MYO3B: variants seen among roughly 807,000 people sequenced by gnomAD.
MYO3B encodes the protein myosin IIIB.
A neutral mutation model predicts 174.6 loss-of-function variants in MYO3B; 156 were observed. That is an observed-to-expected ratio of 0.89 (90% confidence interval 0.78 to 1.02). The LOEUF is 1.02. Among genes scored for constraint, MYO3B ranks in the 50% least tolerant of loss-of-function variants. MYO3B has a pLI of 0.00. For missense variants in MYO3B, 1,632 were observed against 1,639.4 expected (o/e 1.00, Z 0.08); for synonymous variants, 563 against 569.1 (o/e 0.99, Z 0.15).
intron 7 of MYO3B, among the ~76,000 whole-genome samples, chr2:170,328,711 C>A (rs12692948): frequency 0.67 from 101,706 of 151,700 alleles, 34,297 homozygotes; most frequent in Admixed American, 0.72. Context: ...GGCTAAATAA[C>A]CTATAGTTAC....
At chr2:170,632,833 C>G (rs1304883739) in intron 32 of MYO3B, among the ~76,000 whole-genome samples, 2 of 123,342 alleles carry the variant, frequency 1.6e-5, no homozygotes, top group East Asian at 7.1e-4. Flanking sequence ...ATACAAACTA[C>G]CATCAGAGAA....
In MYO3B at chr2:170,228,829, T is replaced by C. The variant is rs538330647; in HGVS notation, c.604-7162T>C. On this transcript the variant is annotated intron_variant, in intron 6 of 34. Coordinates refer to ENST00000408978, the MANE Select transcript of MYO3B (RefSeq NM_138995.5). ...CCTGAAGTTCATAAGAACAGTCTAA[T>C]TTAAATTATTTCTGACAATTTCATA... 1.4e-4 allele frequency among the ~76,000 whole-genome samples: 22 copies of C among 152,334 alleles called. No homozygotes were observed. The East Asian group carries it at 4.2e-3, about 29-fold the overall frequency.
chr2:170,373,173 C>T (rs2094261230), intron 9 of MYO3B, among the ~76,000 whole-genome samples: 1 of 152,130 alleles, frequency 6.6e-6, no homozygotes, highest in African/African-American at 2.4e-5. Flanking sequence ...ATTGTCAGGA[C>T]TTAGTGATGG....
intron 22 of MYO3B, among the ~76,000 whole-genome samples, chr2:170,419,074 G>A (rs371009449): frequency 2.6e-5 from 4 of 152,162 alleles, no homozygotes; most frequent in Non-Finnish European, 5.9e-5. Context: ...GCAAAAAGAT[G>A]CACACATTAG....
chr2:170,508,078 C>T (rs184995144), intron 28 of MYO3B, among the ~76,000 whole-genome samples: 22 of 152,230 alleles, frequency 1.4e-4, no homozygotes, highest in African/African-American at 3.1e-4. Context: ...AATATCATAC[C>T]GGCATGGCAC....
chr2:170,338,556 C>A lies in MYO3B; in HGVS notation c.815+3106C>A, dbSNP rs572240936. ...GGGAACTGATTATTATATTATATATCTTTAAATAGAAGCCTGCCCACCATT... is the reference window on the plus strand; with the variant it reads ...GGGAACTGATTATTATATTATATATATTTAAATAGAAGCCTGCCCACCATT... On this transcript the variant is annotated intron_variant, in intron 8 of 34. Transcript: ENST00000408978. 9.9e-5 allele frequency among the ~76,000 whole-genome samples: 15 copies of A among 152,166 alleles called. No homozygotes were observed. In the South Asian group the frequency reaches 3.1e-3, roughly 32 times the overall value.
chr2:170,383,532 C>T (rs2094351249), intron 11 of MYO3B, among the ~76,000 whole-genome samples, 178 bp from the exon 12 acceptor site: 1 of 152,070 alleles, frequency 6.6e-6, no homozygotes, highest in Non-Finnish European at 1.5e-5. Context: ...GCTCATGAAG[C>T]CAGTAAGTAT....
At chr2:170,442,659 C>A (rs184808920) in intron 22 of MYO3B, among the ~76,000 whole-genome samples, 143 of 152,246 alleles carry the variant, frequency 9.4e-4, no homozygotes, top group Non-Finnish European at 1.7e-3. Flanking sequence ...CCACTCCCCC[C>A]ACTCCCCGAC....
intron 9 of MYO3B, among the ~76,000 whole-genome samples, chr2:170,379,605 C>G (rs1296317414): frequency 6.6e-6 from 1 of 152,178 alleles, no homozygotes; most frequent in Non-Finnish European, 1.5e-5. Flanking sequence ...AAATGGCTAG[C>G]TAGAGGCAGG....
chr2:170,621,987 C>T (rs931765348), intron 32 of MYO3B, among the ~76,000 whole-genome samples: 3 of 152,184 alleles, frequency 2.0e-5, no homozygotes, highest in Non-Finnish European at 4.4e-5. Flanking sequence ...ACAACTGACC[C>T]TCAGGAAGTA....
intron 7 of MYO3B, among the ~76,000 whole-genome samples, chr2:170,285,621 T>C (rs901169286): frequency 1.3e-5 from 2 of 152,198 alleles, no homozygotes; most frequent in Non-Finnish European, 2.9e-5. Flanking sequence ...TCCCTTGTCC[T>C]CTCAAAGTGC....
chr2:170,385,159 T>A (rs146908538), intron 12 of MYO3B, among the ~76,000 whole-genome samples: 2 of 152,312 alleles, frequency 1.3e-5, no homozygotes, highest in African/African-American at 4.8e-5. Flanking sequence ...ATGCCTTTTC[T>A]GGACACATCC....
At chr2:170,482,047 G>C (rs565901881) in intron 25 of MYO3B, among the ~76,000 whole-genome samples, 1 of 152,176 alleles carries the variant, frequency 6.6e-6, no homozygotes, top group African/African-American at 2.4e-5. Context: ...TGCAATGGGA[G>C]GTAATTGAAT....
At chr2:170,545,415 T>A (rs1223200702) in intron 32 of MYO3B, among the ~76,000 whole-genome samples, 1 of 152,240 alleles carries the variant, frequency 6.6e-6, no homozygotes, top group Non-Finnish European at 1.5e-5. Context: ...AGTAAGTGTT[T>A]AGTAAATGTC....
Position 170,635,766 on chromosome 2 carries a change from C to T in MYO3B, c.3734-15862C>T, listed in dbSNP as rs544131582. Among the ~76,000 whole-genome samples the T allele has an allele frequency of 1.2e-3, 187 of 151,994 alleles. 1 individual carries two copies. Among genetic ancestry groups the T allele is most frequent in the Non-Finnish European group, 2.3e-3 (157 of 67,990 alleles). ...TATTTTAAACATGTTTTCTTTCTTA[C>T]ATATTTATAGATAAGGGGAAGGAGG... is the stretch of plus-strand genomic sequence containing the variant. On this transcript the variant is annotated intron_variant, in intron 32 of 34. Transcript: ENST00000408978.
intron 8 of MYO3B, among the ~76,000 whole-genome samples, chr2:170,351,527 G>A (rs745413689): frequency 6.6e-6 from 1 of 152,026 alleles, no homozygotes; most frequent in South Asian, 2.1e-4. Context: ...AAGACCATGG[G>A]ACAGCAGCAC....
chr2:170,393,490 T>C (rs1377536281), intron 16 of MYO3B, among the ~76,000 whole-genome samples: 1 of 152,188 alleles, frequency 6.6e-6, no homozygotes, highest in Non-Finnish European at 1.5e-5. Context: ...TACTCTGTGA[T>C]ACATTATGTC....
chr2:170,323,369 C>T (rs1236196244), intron 7 of MYO3B, among the ~76,000 whole-genome samples: 1 of 152,136 alleles, frequency 6.6e-6, no homozygotes, highest in Non-Finnish European at 1.5e-5. Flanking sequence ...AATGCTAATG[C>T]TTAAGTTGAT....
Position 170,609,814 on chromosome 2 carries a change from A to C in MYO3B, c.3734-41814A>C, listed in dbSNP as rs149043729. ...AGTGTCCATATCTCAGATCTCCTAGAGGAACTTCAGCCCTGCCTGGGTCCT... is the reference window on the plus strand; with the variant it reads ...AGTGTCCATATCTCAGATCTCCTAGCGGAACTTCAGCCCTGCCTGGGTCCT... On this transcript the variant is annotated intron_variant, in intron 32 of 34. Transcript: ENST00000408978. Among the ~76,000 whole-genome samples, 72 of 152,320 alleles carry C rather than the reference A, an allele frequency of 4.7e-4. No homozygotes were observed. In the East Asian group the frequency reaches 0.012, roughly 25 times the overall value.
Sources: allele counts gnomAD v4.1 joint callset (sites outside exome capture counted in the v4.1 genomes callset), GRCh38; gene constraint gnomAD v4.1.1; transcripts MANE v1.5; gene names NCBI Gene and HGNC (gene_info 2026-07-23, HGNC 2026-07-21).